Variants in CYP7B1 observed in about 807,000 individuals in gnomAD.
CYP7B1 encodes cytochrome P450 7B1.
In CYP7B1, 29 loss-of-function variants were observed where a neutral mutation model predicts 42.7. That is an observed-to-expected ratio of 0.68 (90% confidence interval 0.51 to 0.93). The LOEUF (loss-of-function observed/expected upper bound fraction) is 0.93. Ranked by LOEUF, CYP7B1 falls within the 40% of genes least tolerant of loss-of-function variation. CYP7B1 has a pLI of 0.00. For synonymous variants in CYP7B1, 235 were observed against 218.2 expected, an observed-to-expected ratio of 1.08 and a Z score of -0.68; for missense variants, 655 against 600.5, an observed-to-expected ratio of 1.09 and a Z score of -0.95.
At chr8:64,647,203 C>T (rs747797442) in intron 1 of CYP7B1, among the ~76,000 whole-genome samples, 7 of 152,046 alleles carry the variant, frequency 4.6e-5, no homozygotes, top group Non-Finnish European at 7.4e-5. Flanking sequence ...CAACATTTAC[C>T]GATTAAGCTC....
intron 1 of CYP7B1, among the ~76,000 whole-genome samples, chr8:64,743,728 A>G (rs1585889891): frequency 6.6e-6 from 1 of 152,138 alleles, no homozygotes. Flanking sequence ...TAAAGACCCT[A>G]TCTCCAAATG....
In CYP7B1 at chr8:64,662,853, C is replaced by T. The variant is rs145157281; in HGVS notation, c.123-38314G>A. 6.6e-5 allele frequency among the ~76,000 whole-genome samples: 10 copies of T among 152,204 alleles called. No homozygotes were observed. In the East Asian group the frequency reaches 1.4e-3, roughly 21 times the overall value. Reference sequence around the variant, plus strand: ...TAATTGGCAGAAATGGGATTCCAACCGAGTATGTTTGACCCCAGTCCTGCA... The same window carrying T: ...TAATTGGCAGAAATGGGATTCCAACTGAGTATGTTTGACCCCAGTCCTGCA... On this transcript the variant is annotated intron_variant, in intron 1 of 5. Coordinates refer to ENST00000310193, the MANE Select transcript of CYP7B1 (RefSeq NM_004820.5).
At chr8:64,713,973 C>A (rs1171006400) in intron 1 of CYP7B1, among the ~76,000 whole-genome samples, 1 of 152,180 alleles carries the variant, frequency 6.6e-6, no homozygotes, top group East Asian at 1.9e-4. Context: ...CAGGTAGTAA[C>A]TCATATAATC....
chr8:64,698,202 A>G (rs779852815), intron 1 of CYP7B1, among the ~76,000 whole-genome samples: 1 of 152,184 alleles, frequency 6.6e-6, no homozygotes, highest in Non-Finnish European at 1.5e-5. Context: ...CCATAAGCAG[A>G]TGCTGCCCAG....
At position 64,703,062 on chromosome 8, in the gene CYP7B1, G is replaced by A. The variant is rs186199169; in HGVS notation, c.123-78523C>T. Among the ~76,000 whole-genome samples, 17 of 152,022 alleles carry A rather than the reference G, an allele frequency of 1.1e-4. No homozygotes were observed. In the East Asian group the frequency reaches 3.3e-3, roughly 29 times the overall value. On this transcript the variant is annotated intron_variant, in intron 1 of 5. Coordinates refer to ENST00000310193, the MANE Select transcript of CYP7B1 (RefSeq NM_004820.5). ...ATTTATGAAGAGACTGGAATAAGCTGTAAATTTATGAGTGACAAACCCTGT... is the reference window on the plus strand; with the variant it reads ...ATTTATGAAGAGACTGGAATAAGCTATAAATTTATGAGTGACAAACCCTGT...
intron 1 of CYP7B1, among the ~76,000 whole-genome samples, chr8:64,697,856 A>C (rs906522516): frequency 2.6e-5 from 4 of 152,196 alleles, no homozygotes; most frequent in African/African-American, 9.6e-5. Context: ...AATACAAACC[A>C]AACAAACCAA....
chr8:64,786,797 G>A (rs552320956), intron 1 of CYP7B1, among the ~76,000 whole-genome samples: 1 of 152,198 alleles, frequency 6.6e-6, no homozygotes, highest in East Asian at 1.9e-4. Flanking sequence ...CTCCATGAGG[G>A]CTCCACCCCT....
intron 4 of CYP7B1, among the ~76,000 whole-genome samples, chr8:64,614,223 G>C (rs1234343712): frequency 1.3e-5 from 2 of 152,096 alleles, no homozygotes; most frequent in Admixed American, 1.3e-4. Context: ...TCTTTAATTT[G>C]CAGCGTGCTA....
At chr8:64,722,125 T>A (rs114007980) in intron 1 of CYP7B1, among the ~76,000 whole-genome samples, 1,850 of 152,352 alleles carry the variant, frequency 0.012, 28 homozygotes, top group African/African-American at 0.041. Flanking sequence ...AAAGCTGCCA[T>A]ACATCATGCT....
chr8:64,648,079 G>C (rs951852056), intron 1 of CYP7B1, among the ~76,000 whole-genome samples: 1 of 152,086 alleles, frequency 6.6e-6, no homozygotes, highest in African/African-American at 2.4e-5. Flanking sequence ...AGGTGACAAG[G>C]GCACATGGAA....
At chr8:64,779,793 T>C (rs1465316934) in intron 1 of CYP7B1, among the ~76,000 whole-genome samples, 1 of 152,184 alleles carries the variant, frequency 6.6e-6, no homozygotes, top group Non-Finnish European at 1.5e-5. Context: ...CGACCAAATG[T>C]GTGTAATTCT....
intron 1 of CYP7B1, among the ~76,000 whole-genome samples, chr8:64,792,115 C>A (rs995070558): frequency 3.3e-5 from 5 of 152,118 alleles, no homozygotes; most frequent in African/African-American, 7.2e-5. Context: ...TATAAAGTTG[C>A]AGAACTCATA....
At chr8:64,701,776 C>T (rs1454348258) in intron 1 of CYP7B1, among the ~76,000 whole-genome samples, 9 of 151,970 alleles carry the variant, frequency 5.9e-5, no homozygotes, top group Admixed American at 2.0e-4. Flanking sequence ...TAATAAGCAA[C>T]GGCAGTATAA....
chr8:64,669,559 G>C (rs981756093), intron 1 of CYP7B1, among the ~76,000 whole-genome samples: 4 of 152,032 alleles, frequency 2.6e-5, no homozygotes, highest in African/African-American at 9.7e-5. Context: ...TTATTTTAAA[G>C]AAAACATAGC....
intron 4 of CYP7B1, 24 bp downstream of exon 4, chr8:64,615,002 T>C: frequency 6.2e-7 from 1 of 1,612,534 alleles, no homozygotes; most frequent in Non-Finnish European, 8.5e-7. Context: ...CTTCTTTTCT[T>C]CATAACAGAT....
downstream of CYP7B1, among the ~76,000 whole-genome samples, chr8:64,587,287 A>T (rs1386797781): frequency 6.6e-6 from 1 of 152,232 alleles, no homozygotes; most frequent in Non-Finnish European, 1.5e-5. Flanking sequence ...CGGGATCCGC[A>T]TCCGAAGAGC....
At chr8:64,746,240 T>C (rs1807641433) in intron 1 of CYP7B1, among the ~76,000 whole-genome samples, 2 of 152,042 alleles carry the variant, frequency 1.3e-5, no homozygotes, top group Admixed American at 6.6e-5. Context: ...ACAGTAAAAA[T>C]AATAATATAG....
intron 1 of CYP7B1, among the ~76,000 whole-genome samples, chr8:64,645,553 C>T (rs554385470): frequency 4.6e-5 from 7 of 152,076 alleles, no homozygotes; most frequent in Non-Finnish European, 1.0e-4. Flanking sequence ...AAAGAGGATA[C>T]AAACAAATGG....
chr8:64,624,816 G>A (rs1360848192), intron 1 of CYP7B1, among the ~76,000 whole-genome samples: 1 of 151,928 alleles, frequency 6.6e-6, no homozygotes, highest in African/African-American at 2.4e-5. Flanking sequence ...TTCTTTAGTT[G>A]TGATTTCTGA....
Sources: gnomAD v4.1 joint callset for allele counts (sites outside exome capture counted in the v4.1 genomes callset) on GRCh38, gnomAD v4.1.1 for gene constraint, MANE v1.5 for transcripts, NCBI Gene and HGNC (gene_info 2026-07-23, HGNC 2026-07-21) for gene names.